EFCAB6: variants seen among roughly 807,000 people sequenced by gnomAD.
EFCAB6 encodes EF-hand calcium-binding domain-containing protein 6.
A neutral mutation model predicts 169.8 loss-of-function variants in EFCAB6; 156 were observed. The observed-to-expected ratio is 0.92, with a 90% CI of 0.81 to 1.05. The LOEUF is 1.05. Among genes scored for constraint, EFCAB6 ranks in the 50% least tolerant of loss-of-function variants. EFCAB6 has a pLI of 0.00. For missense variants in EFCAB6, 1,800 were observed against 1,829.1 expected, an observed-to-expected ratio of 0.98 and a Z score of 0.29; for synonymous variants, 698 against 676.4, an observed-to-expected ratio of 1.03 and a Z score of -0.50.
intron 21 of EFCAB6, 62 bp downstream of exon 21, chr22:43,615,764 C>G: frequency 7.0e-7 from 1 of 1,429,614 alleles, no homozygotes; most frequent in Non-Finnish European, 9.7e-7. Flanking sequence ...TTCATCATCC[C>G]AGTGATCTTG....
intron 27 of EFCAB6, among the ~76,000 whole-genome samples, chr22:43,551,222 C>T (rs1251956412): frequency 6.6e-6 from 1 of 152,194 alleles, no homozygotes; most frequent in African/African-American, 2.4e-5. Flanking sequence ...AACTCGCCTT[C>T]GACCAAGAAG....
intron 24 of EFCAB6, 136 bp downstream of exon 24, chr22:43,589,938 C>A: frequency 1.7e-6 from 2 of 1,163,804 alleles, no homozygotes; most frequent in Non-Finnish European, 2.4e-6. Context: ...TCTAATGTAA[C>A]CCAGCAAACA....
chr22:43,735,612 G>A lies in EFCAB6; in HGVS notation c.644+245C>T, dbSNP rs150878253. On this transcript the variant is annotated intron_variant, in intron 7 of 31. Coordinates refer to ENST00000262726, the MANE Select transcript of EFCAB6 (RefSeq NM_022785.4). Reference sequence around the variant, plus strand: ...ATAACCTGGATGTGTTCAGAGCTGCGGGCCAGAGGACGGACCCCAAGGGTG... The same window carrying A: ...ATAACCTGGATGTGTTCAGAGCTGCAGGCCAGAGGACGGACCCCAAGGGTG... 2.2e-3 allele frequency among the ~76,000 whole-genome samples: 329 copies of A among 152,276 alleles called. 2 individuals are homozygous for A. The highest frequency in any genetic ancestry group is 7.0e-3 in the African/African-American group (292 of 41,550).
At chr22:43,691,525 TA>T (rs1265341607) in intron 10 of EFCAB6, among the ~76,000 whole-genome samples, 2 of 152,158 alleles carry the variant, frequency 1.3e-5, no homozygotes, top group African/African-American at 4.8e-5. Context: ...GGCATGCGCT[TA>T]TCTGGTACTT....
chr22:43,578,204 G>C (rs1364503305), intron 25 of EFCAB6, among the ~76,000 whole-genome samples: 1 of 152,094 alleles, frequency 6.6e-6, no homozygotes, highest in African/African-American at 2.4e-5. Context: ...CTGAGCCTCA[G>C]TTTCCCCTCC....
intron 27 of EFCAB6, 30 bp from the exon 28 acceptor site, chr22:43,540,387 G>C (rs779666183): frequency 6.2e-7 from 1 of 1,612,964 alleles, no homozygotes; most frequent in Non-Finnish European, 8.5e-7. Context: ...CATTTCCCAG[G>C]TGTCAGTGCA....
intron 2 of EFCAB6, among the ~76,000 whole-genome samples, chr22:43,800,585 G>A (rs1432634352): frequency 6.6e-6 from 1 of 152,126 alleles, no homozygotes; most frequent in Non-Finnish European, 1.5e-5. Flanking sequence ...AGATAACACA[G>A]AAAATCAATT....
intron 30 of EFCAB6, among the ~76,000 whole-genome samples, chr22:43,533,875 ACTGGG>A (rs373691928): frequency 1.3e-5 from 2 of 152,312 alleles, no homozygotes; most frequent in Admixed American, 6.5e-5. Flanking sequence ...TGGAAGCAGG[ACTGGG>A]CTGGGCTGGG....
intron 10 of EFCAB6, among the ~76,000 whole-genome samples, chr22:43,704,458 C>T (rs1430602211): frequency 1.3e-5 from 2 of 152,054 alleles, no homozygotes; most frequent in Non-Finnish European, 2.9e-5. Flanking sequence ...ATTACGCAGT[C>T]ATGTTTAGAA....
At position 43,601,060 on chromosome 22, in the gene EFCAB6, T is replaced by A. The variant is rs1166518061; in HGVS notation, c.2682-797A>T. ...CAAAAAGCATATTCAATCTTAAAAC[T>A]CGAATGAGTGAATGTCACTTGATTC... On this transcript the variant is annotated intron_variant, in intron 22 of 31. Coordinates refer to ENST00000262726, the MANE Select transcript of EFCAB6 (RefSeq NM_022785.4). Among the ~76,000 whole-genome samples the A allele has an allele frequency of 2.6e-5, 4 of 152,348 alleles. No homozygotes were observed. In the East Asian group the frequency reaches 7.7e-4, roughly 29 times the overall value.
At chr22:43,533,276 C>T (rs1454640955) in intron 30 of EFCAB6, 2 of 152,214 alleles carry the variant, frequency 1.3e-5, no homozygotes, top group African/African-American at 4.8e-5. Flanking sequence ...AGGGCCTGGC[C>T]CCATCTCAAA....
chr22:43,621,232 G>A (rs1425010877), intron 20 of EFCAB6, among the ~76,000 whole-genome samples: 1 of 151,126 alleles, frequency 6.6e-6, no homozygotes. Flanking sequence ...GAAATTACAG[G>A]CACCCACCAC....
In EFCAB6 at chr22:43,671,940, C is replaced by A. The variant is rs775908160; in HGVS notation, c.1640+33G>T. On this transcript the variant is annotated intron_variant, in intron 15 of 31. Transcript: ENST00000262726. The stretch of plus-strand genomic sequence containing the variant: ...TATGGAACAGGCCTGATGAAAAACA[C>A]GACATGAATTAATTTTGTTACAAAA... The A allele has an allele frequency of 3.1e-6, 5 of 1,607,220 alleles. No individual in the cohort carries two copies. The Admixed American group carries it at 8.5e-5, about 27-fold the overall frequency.
chr22:43,580,298 G>T (rs974605841), intron 25 of EFCAB6, among the ~76,000 whole-genome samples, 166 bp downstream of exon 25: 1 of 152,066 alleles, frequency 6.6e-6, no homozygotes, highest in Non-Finnish European at 1.5e-5. Context: ...CACATGCTGG[G>T]GTGGAAGAGT....
chr22:43,738,296 TCA>T (rs1193087610), intron 6 of EFCAB6, among the ~76,000 whole-genome samples: 2 of 144,048 alleles, frequency 1.4e-5, no homozygotes, highest in East Asian at 4.3e-4. Flanking sequence ...CTGCATATAC[TCA>T]CACTCACACC....
intron 27 of EFCAB6, among the ~76,000 whole-genome samples, chr22:43,550,042 G>A (rs571787140): frequency 2.0e-5 from 3 of 152,290 alleles, no homozygotes; most frequent in East Asian, 1.9e-4. Flanking sequence ...TTGTGGTCAG[G>A]AAATGCTTTG....
chr22:43,567,840 AAAGT>A (rs1440945740), intron 26 of EFCAB6, among the ~76,000 whole-genome samples: 5 of 152,130 alleles, frequency 3.3e-5, no homozygotes, highest in Admixed American at 6.5e-5. Context: ...CTGTACAGAC[AAAGT>A]AAGTAGGGCT....
At chr22:43,583,917 T>A (rs1470727506) in intron 24 of EFCAB6, among the ~76,000 whole-genome samples, 2 of 152,160 alleles carry the variant, frequency 1.3e-5, no homozygotes, top group Non-Finnish European at 2.9e-5. Flanking sequence ...TTTTCAGCAA[T>A]TGGTGTAATC....
chr22:43,554,380 A>T (rs1220337422), intron 27 of EFCAB6: 1 of 163,876 alleles, frequency 6.1e-6, no homozygotes, highest in South Asian at 1.7e-4. Flanking sequence ...ATCCTATAAA[A>T]TCTCCAGCAA....
Sources: gnomAD v4.1 joint callset for allele counts (sites outside exome capture counted in the v4.1 genomes callset) on GRCh38, gnomAD v4.1.1 for gene constraint, MANE v1.5 for transcripts, NCBI Gene and HGNC (gene_info 2026-07-23, HGNC 2026-07-21) for gene names.